GRID2: variants seen among roughly 807,000 people sequenced by gnomAD.
GRID2 encodes the protein glutamate ionotropic receptor delta type subunit 2.
Under a neutral mutation model 114.8 loss-of-function variants are expected in GRID2, and 33 were observed. That is an observed-to-expected ratio of 0.29 (90% CI 0.22 to 0.38). The LOEUF (loss-of-function observed/expected upper bound fraction) is 0.38, where lower values mean the gene tolerates loss of function less well. Among genes scored for constraint, GRID2 ranks in the 10% least tolerant of loss-of-function variants. The probability of loss-of-function intolerance (pLI) is 1.00; values close to 1 mark genes in which losing one functional copy is unlikely to be tolerated. For synonymous variants in GRID2, 505 were observed against 449.9 expected, an observed-to-expected ratio of 1.12 and a Z score of -1.55; for missense variants, 1,184 against 1,257.7, an observed-to-expected ratio of 0.94 and a Z score of 0.89.
intron 11 of GRID2, among the ~76,000 whole-genome samples, chr4:93,463,249 A>G (rs549534520): frequency 1.1e-3 from 175 of 152,324 alleles, no homozygotes; most frequent in Non-Finnish European, 2.0e-3. Context: ...AATTCTACCA[A>G]TAGTGAGGAG....
intron 13 of GRID2, among the ~76,000 whole-genome samples, chr4:93,618,965 T>C (rs1741962084): frequency 6.6e-6 from 1 of 152,186 alleles, no homozygotes; most frequent in Non-Finnish European, 1.5e-5. Context: ...TTAGTATTCC[T>C]GATAATCTCC....
intron 2 of GRID2, among the ~76,000 whole-genome samples, chr4:92,922,050 G>C (rs1015157607): frequency 9.2e-5 from 14 of 152,234 alleles, no homozygotes; most frequent in Admixed American, 2.0e-4. Context: ...GCAATTGTGG[G>C]AGCCCCTCCC....
intron 2 of GRID2, among the ~76,000 whole-genome samples, chr4:92,966,581 A>G (rs1439516968): frequency 1.3e-5 from 2 of 151,832 alleles, no homozygotes; most frequent in African/African-American, 4.8e-5. Context: ...AGTTTCCCCT[A>G]TACTGTTCTC....
intron 14 of GRID2, among the ~76,000 whole-genome samples, chr4:93,750,245 C>G (rs1732205909): frequency 6.6e-6 from 1 of 152,222 alleles, no homozygotes; most frequent in African/African-American, 2.4e-5. Flanking sequence ...AGAAAACTTC[C>G]AAGGAAAGTT....
chr4:93,009,482 T>A (rs147429902), intron 2 of GRID2, among the ~76,000 whole-genome samples: 1 of 152,176 alleles, frequency 6.6e-6, no homozygotes, highest in South Asian at 2.1e-4. Context: ...GCAAGGACTC[T>A]CTTTGGAGAA....
chr4:93,626,323 G>A lies in GRID2; in HGVS notation c.2248G>A (p.Ala750Thr), dbSNP rs1204912375. 1 of 1,600,920 alleles carries A rather than the reference G, an allele frequency of 6.2e-7. No homozygotes were observed. Residue 750 changes from alanine to threonine, a missense_variant, in exon 14 of 16, where the codon GCT becomes ACT. Around this residue, in one of 3 missense-constraint regions of GRID2, gnomAD observed 717 missense variants for 796.9 expected, o/e 0.90. Coordinates refer to ENST00000282020, the MANE Select transcript of GRID2 (RefSeq NM_001510.4). ...GGATGCAGCTGTATTGGAATATGTG[G>A]CTATCAATGACCCAGATTGTTCCTT... ...VWDAAVLEYV[A>T]INDPDCSFYT...
intron 4 of GRID2, among the ~76,000 whole-genome samples, chr4:93,163,372 A>ATG (rs1553999436): frequency 0.033 from 1,799 of 53,720 alleles, 134 homozygotes; most frequent in African/African-American, 0.11. Context: ...ATATATATAT[A>ATG]TATATATATA....
At chr4:93,706,663 G>C (rs991099958) in intron 14 of GRID2, among the ~76,000 whole-genome samples, 1 of 152,054 alleles carries the variant, frequency 6.6e-6, no homozygotes, top group Non-Finnish European at 1.5e-5. Context: ...TGTAAAAAAA[G>C]GATAATTTGA....
At chr4:92,631,270 A>G (rs1402548683) in intron 2 of GRID2, among the ~76,000 whole-genome samples, 2 of 152,092 alleles carry the variant, frequency 1.3e-5, no homozygotes, top group Admixed American at 6.6e-5. Context: ...ATTTGAGATG[A>G]TGGATAGATA....
intron 14 of GRID2, among the ~76,000 whole-genome samples, chr4:93,674,604 G>A (rs1289993666): frequency 1.3e-5 from 2 of 149,014 alleles, no homozygotes; most frequent in Admixed American, 1.3e-4. Context: ...ACCTTTTGAG[G>A]CATAACGGTG....
intron 13 of GRID2, among the ~76,000 whole-genome samples, chr4:93,589,747 A>G (rs1192766636): frequency 6.6e-6 from 1 of 152,098 alleles, no homozygotes; most frequent in Non-Finnish European, 1.5e-5. Flanking sequence ...TTGCCATTCT[A>G]ACTGGTGTGA....
At chr4:93,391,362 G>T (rs1422222756) in intron 8 of GRID2, among the ~76,000 whole-genome samples, 1 of 152,018 alleles carries the variant, frequency 6.6e-6, no homozygotes, top group African/African-American at 2.4e-5. Flanking sequence ...TTTCTAAGTG[G>T]CTGGCTTTTA....
intron 2 of GRID2, among the ~76,000 whole-genome samples, chr4:92,819,884 G>A (rs1359878315): frequency 6.6e-6 from 1 of 152,050 alleles, no homozygotes; most frequent in Non-Finnish European, 1.5e-5. Context: ...ATAAAAGTCT[G>A]TCTTGTTTTG....
rs149367069 is a variant in GRID2, at chr4:92,605,488, C to G, written c.244+15202C>G. ...TTGATAATTTTATTTATAGTGGAAA[C>G]AAGTGACATAAAATAATGATACTAA... On this transcript the variant is annotated intron_variant, in intron 2 of 15. Coordinates refer to ENST00000282020, the MANE Select transcript of GRID2 (RefSeq NM_001510.4). Among the ~76,000 whole-genome samples, 770 of 151,940 alleles carry G rather than the reference C, an allele frequency of 5.1e-3. 5 individuals are homozygous for G. Among genetic ancestry groups the G allele is most frequent in the African/African-American group, 0.018 (731 of 41,482 alleles).
At chr4:93,361,827 T>A (rs969257297) in intron 8 of GRID2, among the ~76,000 whole-genome samples, 1 of 152,122 alleles carries the variant, frequency 6.6e-6, no homozygotes, top group Non-Finnish European at 1.5e-5. Context: ...CTGCTAGTTT[T>A]TTTTTAGATT....
chr4:92,467,166 G>A (rs544338512), intron 1 of GRID2, among the ~76,000 whole-genome samples: 1 of 151,852 alleles, frequency 6.6e-6, no homozygotes, highest in East Asian at 1.9e-4. Flanking sequence ...TTTATTTGAA[G>A]TTTTCAATTT....
At chr4:92,622,225 C>A (rs182380908) in intron 2 of GRID2, among the ~76,000 whole-genome samples, 1 of 151,692 alleles carries the variant, frequency 6.6e-6, no homozygotes, top group East Asian at 1.9e-4. Context: ...TTATAATAAC[C>A]ATTTCATATT....
chr4:93,282,315 C>T (rs1752731891), intron 8 of GRID2: 1 of 375,090 alleles, frequency 2.7e-6, no homozygotes, highest in Non-Finnish European at 5.3e-6. Context: ...CCATTTTGGG[C>T]TGCTATGACA....
intron 4 of GRID2, among the ~76,000 whole-genome samples, chr4:93,128,821 C>G (rs916886963): frequency 2.0e-5 from 3 of 152,138 alleles, no homozygotes; most frequent in Non-Finnish European, 4.4e-5. Context: ...AAAAAATTCA[C>G]AAATTTTCAG....
Sources: allele counts gnomAD v4.1 joint callset (sites outside exome capture counted in the v4.1 genomes callset), GRCh38; gene constraint gnomAD v4.1.1; regional missense constraint gnomAD v4.1.1; transcripts MANE v1.5; gene names NCBI Gene and HGNC (gene_info 2026-07-23, HGNC 2026-07-21).